Variants in CREBBP observed in about 807,000 individuals in gnomAD.
CREBBP encodes CREB binding lysine acetyltransferase.
In CREBBP, 19 loss-of-function variants were observed where a neutral mutation model predicts 265.0. The observed-to-expected ratio is 0.07, with a 90% CI of 0.05 to 0.11. The LOEUF is 0.11. Ranked by LOEUF, CREBBP falls within the 10% of genes least tolerant of loss-of-function variation. The pLI is 1.00. For synonymous variants in CREBBP, 1,457 were observed against 1,223.7 expected (o/e 1.19, Z -3.98); for missense variants, 2,525 against 3,219.0 (o/e 0.78, Z 5.22).
intron 2 of CREBBP, among the ~76,000 whole-genome samples, chr16:3,811,064 G>T (rs1475647717): frequency 1.3e-5 from 2 of 151,670 alleles, no homozygotes; most frequent in Non-Finnish European, 2.9e-5. Flanking sequence ...ACCAACACCC[G>T]AAGAAAGTCA....
At chr16:3,734,767 G>A (rs752915348) in intron 28 of CREBBP, among the ~76,000 whole-genome samples, 6 of 152,126 alleles carry the variant, frequency 3.9e-5, no homozygotes, top group Non-Finnish European at 5.9e-5. Context: ...TCAACCACCT[G>A]TGCAGTGAGC....
rs187253000 is a variant in CREBBP, at chr16:3,875,730, C to T, written c.85+4102G>A. 3.9e-5 allele frequency among the ~76,000 whole-genome samples: 6 copies of T among 152,220 alleles called. No individual in the cohort carries two copies. In the East Asian group the frequency reaches 1.2e-3, roughly 29 times the overall value. ...CAATCTAGTTTGGATCTGGTTTTGA[C>T]CCTGTATCACCTCTCAAGTCCAGTT... On this transcript the variant is annotated intron_variant, in intron 1 of 30. Transcript: ENST00000262367.
At chr16:3,819,709 A>C (rs1860134309) in intron 2 of CREBBP, among the ~76,000 whole-genome samples, 1 of 152,326 alleles carries the variant, frequency 6.6e-6, no homozygotes, top group African/African-American at 2.4e-5. Flanking sequence ...TTCATTCTAC[A>C]TTGTTTTTTA....
intron 25 of CREBBP, 131 bp downstream of exon 25, chr16:3,739,447 T>G: frequency 9.7e-7 from 1 of 1,035,724 alleles, no homozygotes; most frequent in Non-Finnish European, 1.4e-6. Context: ...CTACTTTGGT[T>G]AGTTAATTGT....
At chr16:3,814,500 T>C (rs1263454767) in intron 2 of CREBBP, among the ~76,000 whole-genome samples, 4 of 151,980 alleles carry the variant, frequency 2.6e-5, no homozygotes, top group Non-Finnish European at 5.9e-5. Context: ...AAGTGATCCA[T>C]ACACCTCAAG....
intron 11 of CREBBP, among the ~76,000 whole-genome samples, chr16:3,776,176 C>T (rs2053134183): frequency 6.6e-6 from 1 of 152,150 alleles, no homozygotes; most frequent in Non-Finnish European, 1.5e-5. Flanking sequence ...CTTCGGCCTC[C>T]CAAAGTGCTG....
intron 3 of CREBBP, among the ~76,000 whole-genome samples, chr16:3,801,524 G>A (rs1490329917): frequency 6.6e-6 from 1 of 152,098 alleles, no homozygotes; most frequent in African/African-American, 2.4e-5. Context: ...TAAAAAATTA[G>A]CTGGGTGTGG....
chr16:3,730,022 A>G, intron 30 of CREBBP, 148 bp from the exon 31 acceptor site: 2 of 1,350,876 alleles, frequency 1.5e-6, no homozygotes, highest in South Asian at 2.6e-5. Flanking sequence ...GAGCACGGAC[A>G]GGTGGGAGAC....
intron 16 of CREBBP, among the ~76,000 whole-genome samples, chr16:3,759,307 G>A (rs948839382): frequency 3.3e-5 from 5 of 152,080 alleles, no homozygotes; most frequent in African/African-American, 4.8e-5. Context: ...AGCCATTTCA[G>A]GCTGGGCATG....
At chr16:3,820,804 G>A (rs994029413) in intron 2 of CREBBP, among the ~76,000 whole-genome samples, 1 of 152,162 alleles carries the variant, frequency 6.6e-6, no homozygotes, top group African/African-American at 2.4e-5. Flanking sequence ...AGGATGTAGT[G>A]ATCCATAATT....
intron 11 of CREBBP, among the ~76,000 whole-genome samples, chr16:3,777,000 A>G (rs1430972586): frequency 6.6e-6 from 1 of 150,630 alleles, no homozygotes; most frequent in Non-Finnish European, 1.5e-5. Flanking sequence ...CCTGGGCAAC[A>G]AAGTAAGGCT....
intron 2 of CREBBP, among the ~76,000 whole-genome samples, chr16:3,823,959 C>G (rs1324535444): frequency 2.4e-4 from 1 of 4,224 alleles, no homozygotes; most frequent in Non-Finnish European, 0.011. Context: ...GCTGTGGCAA[C>G]ACACACACAC....
intron 5 of CREBBP, 122 bp downstream of exon 5, chr16:3,791,859 C>T (rs2053515664): frequency 2.3e-6 from 2 of 868,656 alleles, no homozygotes; most frequent in East Asian, 2.5e-5. Flanking sequence ...TGCTGTCCGC[C>T]CTACCTCACC....
At chr16:3,767,989 G>A in intron 15 of CREBBP, 80 bp from the exon 16 acceptor site, 3 of 1,366,290 alleles carry the variant, frequency 2.2e-6, no homozygotes, top group South Asian at 1.2e-5. Context: ...ACTCTTACAA[G>A]CCTAAAACAG....
At chr16:3,812,991 T>C (rs1412333235) in intron 2 of CREBBP, 3 of 219,470 alleles carry the variant, frequency 1.4e-5, no homozygotes, top group East Asian at 6.7e-5. Context: ...ATTCCTTCTA[T>C]GGACTTCAAA....
chr16:3,878,663 T>C (rs537118802), intron 1 of CREBBP, among the ~76,000 whole-genome samples: 10 of 152,202 alleles, frequency 6.6e-5, no homozygotes, highest in Non-Finnish European at 1.3e-4. Context: ...CTAGTGCAAA[T>C]CTGAAGGCAG....
At chr16:3,879,504 C>A (rs898392375) in intron 1 of CREBBP, among the ~76,000 whole-genome samples, 12 of 152,216 alleles carry the variant, frequency 7.9e-5, no homozygotes, top group African/African-American at 2.9e-4. Flanking sequence ...GTGGACACGG[C>A]CGCGGATGGA....
At chr16:3,870,870 G>A (rs557000674) in intron 1 of CREBBP, among the ~76,000 whole-genome samples, 1 of 152,110 alleles carries the variant, frequency 6.6e-6, no homozygotes, top group African/African-American at 2.4e-5. Context: ...AGCAGAAGTA[G>A]AGCCAGGCAC....
intron 8 of CREBBP, among the ~76,000 whole-genome samples, chr16:3,779,975 C>T (rs1212105663): frequency 2.6e-5 from 4 of 151,720 alleles, no homozygotes; most frequent in South Asian, 2.1e-4. Context: ...AGGCCGGGTG[C>T]GGTGGCTCAT....
Sources: gnomAD v4.1 joint callset for allele counts (sites outside exome capture counted in the v4.1 genomes callset) on GRCh38, gnomAD v4.1.1 for gene constraint, MANE v1.5 for transcripts, NCBI Gene and HGNC (gene_info 2026-07-23, HGNC 2026-07-21) for gene names.